SEMA5B: variants seen among roughly 807,000 people sequenced by gnomAD.
SEMA5B encodes the protein semaphorin 5B, also known as semaphorin-5B.
A neutral mutation model predicts 135.0 loss-of-function variants in SEMA5B; 66 were observed. The observed-to-expected ratio is 0.49, with a 90% CI of 0.40 to 0.60. SEMA5B has a LOEUF of 0.60. Among genes scored for constraint, SEMA5B ranks in the 20% least tolerant of loss-of-function variants. The pLI, the probability that SEMA5B is intolerant of heterozygous loss-of-function variation, is 0.00. For synonymous variants in SEMA5B, 690 were observed against 639.5 expected (o/e 1.08, Z -1.19); for missense variants, 1,501 against 1,566.3 (o/e 0.96, Z 0.70).
At chr3:122,916,252 A>G (rs1938072286) in intron 12 of SEMA5B, among the ~76,000 whole-genome samples, 1 of 152,158 alleles carries the variant, frequency 6.6e-6, no homozygotes, top group African/African-American at 2.4e-5. Flanking sequence ...ACCCACAGCC[A>G]CAGGTGCAGA....
Position 122,913,520 on chromosome 3 carries a change from G to A in SEMA5B, c.2280+14C>T, listed in dbSNP as rs1937884432. On this transcript the variant is annotated intron_variant, in intron 16 of 22. Coordinates refer to ENST00000357599, the MANE Select transcript of SEMA5B (RefSeq NM_001031702.4). ...CCCTACACCGCGCCCCTGGCCCACG[G>A]CCCCAACCCTCACCACGCCGCAGCC... The A allele has an allele frequency of 6.2e-7, 1 of 1,607,194 alleles. No homozygotes were observed. Among genetic ancestry groups the A allele is most frequent in the Admixed American group, 1.7e-5 (1 of 59,708 alleles).
Position 122,978,236 on chromosome 3 carries a change from G to A in SEMA5B, c.-38-16935C>T, listed in dbSNP as rs527328703. On this transcript the variant is annotated intron_variant, in intron 1 of 22. Coordinates refer to ENST00000357599, the MANE Select transcript of SEMA5B (RefSeq NM_001031702.4). ...CAGGGTGCCCTTCTCTGTCCCATGCGAGTCGGTGGGTGGACGTGCTCGGCC... is the reference window on the plus strand; with the variant it reads ...CAGGGTGCCCTTCTCTGTCCCATGCAAGTCGGTGGGTGGACGTGCTCGGCC... Among the ~76,000 whole-genome samples the A allele has an allele frequency of 5.9e-5, 9 of 152,370 alleles. No homozygotes were observed. The South Asian group carries it at 1.2e-3, about 21-fold the overall frequency.
intron 1 of SEMA5B, among the ~76,000 whole-genome samples, chr3:122,972,425 C>T (rs182223532): frequency 6.6e-6 from 1 of 152,326 alleles, no homozygotes; most frequent in African/African-American, 2.4e-5. Context: ...CAGATCTCTC[C>T]CCTCATCCAG....
At chr3:123,013,591 G>A (rs759974876) in intron 1 of SEMA5B, among the ~76,000 whole-genome samples, 1 of 152,214 alleles carries the variant, frequency 6.6e-6, no homozygotes, top group Non-Finnish European at 1.5e-5. Context: ...CAGGTGTTGA[G>A]ACCCAGTCTG....
chr3:122,929,203 C>T (rs1938819836), intron 5 of SEMA5B, 145 bp from the exon 6 acceptor site: 1 of 746,126 alleles, frequency 1.3e-6, no homozygotes, highest in East Asian at 2.7e-5. Flanking sequence ...GCTCCTCTCA[C>T]TACATCCACA....
At chr3:122,976,778 G>A (rs916623390) in intron 1 of SEMA5B, among the ~76,000 whole-genome samples, 10 of 152,100 alleles carry the variant, frequency 6.6e-5, no homozygotes, top group Non-Finnish European at 1.0e-4. Flanking sequence ...GGCCAGGCGC[G>A]GTGGCTCACA....
intron 2 of SEMA5B, among the ~76,000 whole-genome samples, chr3:122,957,858 T>C (rs9839593): frequency 0.27 from 41,813 of 152,182 alleles, 6,141 homozygotes; most frequent in South Asian, 0.38. Context: ...GGCCCCAGCC[T>C]TATCGTTGCA....
chr3:123,013,499 G>C (rs1553787615), intron 1 of SEMA5B, among the ~76,000 whole-genome samples: 1 of 152,126 alleles, frequency 6.6e-6, no homozygotes, highest in Non-Finnish European at 1.5e-5. Flanking sequence ...TAGGTATGAT[G>C]GCCATTTTAC....
rs982779433 is a variant in SEMA5B at position 122,921,931 on chromosome 3, C to G, written c.1672G>C (p.Ala558Pro). The change falls in exon 12 of 23, where the codon GCC becomes CCC. Residue 558 changes from alanine to proline, a missense_variant. Coordinates refer to ENST00000357599, the MANE Select transcript of SEMA5B (RefSeq NM_001031702.4). The part of the protein sequence containing the change: ...VLRVPLERCA[A>P]YRSQGACLGA... ...CCGGCTTACCCCTGGCTGCGGTAGG[C>G]GGCGCACCTCTCCAGTGGGACCCGC... 4 of 1,533,878 alleles carry G rather than the reference C, an allele frequency of 2.6e-6. No individual in the cohort carries two copies. In the South Asian group the frequency reaches 3.6e-5, roughly 14 times the overall value.
chr3:122,920,456 T>C (rs1938292097), intron 12 of SEMA5B, among the ~76,000 whole-genome samples: 1 of 152,128 alleles, frequency 6.6e-6, no homozygotes, highest in Non-Finnish European at 1.5e-5. Flanking sequence ...ACTGACTATA[T>C]TCAATGAGAC....
chr3:122,944,316 C>A (rs1278494824), intron 3 of SEMA5B, among the ~76,000 whole-genome samples: 1 of 152,224 alleles, frequency 6.6e-6, no homozygotes, highest in African/African-American at 2.4e-5. Context: ...CTTGATGGAA[C>A]AATTCCTGTT....
intron 14 of SEMA5B, 144 bp from the exon 15 acceptor site, chr3:122,914,145 A>G: frequency 3.4e-6 from 3 of 871,634 alleles, no homozygotes; most frequent in South Asian, 2.5e-5. Flanking sequence ...TAAACAGGTC[A>G]TCTCAGGCAG....
Position 122,911,966 on chromosome 3 carries a change from A to C in SEMA5B, c.3000T>G (p.Ala1000=), listed in dbSNP as rs1035644217. The C allele has an allele frequency of 3.1e-6, 5 of 1,611,762 alleles. No homozygotes were observed. The highest frequency in any genetic ancestry group is 4.2e-6 in the Non-Finnish European group (5 of 1,178,614). ...AGGGGCGGCTCTGGCTGCTGTTTCC[A>C]GCACAGGCGCTGGACCCTGGGAGGA... ...EELLPGSSAC[A]GNSSQSRPCP... The change falls in exon 20 of 23, where the codon GCT becomes GCG. Residue 1000 remains alanine (A), a synonymous_variant. Coordinates refer to ENST00000357599, the MANE Select transcript of SEMA5B (RefSeq NM_001031702.4).
At chr3:122,943,672 C>T (rs1939664791) in intron 3 of SEMA5B, 137 bp from the exon 4 acceptor site, 4 of 624,510 alleles carry the variant, frequency 6.4e-6, no homozygotes, top group Middle Eastern at 4.2e-4. Context: ...GTGCCACCTG[C>T]CCACCTCTGT....
chr3:122,970,770 G>A lies in SEMA5B; in HGVS notation c.-38-9469C>T, dbSNP rs1362182710. Among the ~76,000 whole-genome samples, 3 of 152,284 alleles carry A rather than the reference G, an allele frequency of 2.0e-5. No individual in the cohort carries two copies. The East Asian group carries it at 5.8e-4, about 29-fold the overall frequency. On this transcript the variant is annotated intron_variant, in intron 1 of 22. Coordinates refer to ENST00000357599, the MANE Select transcript of SEMA5B (RefSeq NM_001031702.4). ...AGATGTTCATGACTTGCCCAAGGTC[G>A]CACAGCTAGGAAGGACAATTCTGGG...
intron 1 of SEMA5B, among the ~76,000 whole-genome samples, chr3:122,961,579 C>T (rs911300413): frequency 6.6e-6 from 1 of 152,022 alleles, no homozygotes; most frequent in African/African-American, 2.4e-5. Context: ...CCTGCCTCAG[C>T]CCCCCAAGTA....
chr3:122,934,182 C>T (rs1228598186), intron 5 of SEMA5B, among the ~76,000 whole-genome samples: 1 of 151,672 alleles, frequency 6.6e-6, no homozygotes, highest in East Asian at 1.9e-4. Flanking sequence ...GCTGGGATTA[C>T]AGGCGTGAGC....
intron 1 of SEMA5B, among the ~76,000 whole-genome samples, chr3:122,966,557 A>ATTTTTTTTTTTTT (rs1414027791): frequency 3.5e-4 from 49 of 139,418 alleles, no homozygotes; most frequent in African/African-American, 1.3e-3. Flanking sequence ...TATTATTATT[A>ATTTTTTTTTTTTT]TTATTATTAT....
intron 2 of SEMA5B, among the ~76,000 whole-genome samples, chr3:122,954,963 G>T (rs1411756719): frequency 2.9e-5 from 4 of 138,152 alleles, no homozygotes; most frequent in Non-Finnish European, 4.7e-5. Flanking sequence ...GGGCAATTTT[G>T]TTTTTTGTTT....
Sources: gnomAD v4.1 joint callset for allele counts (sites outside exome capture counted in the v4.1 genomes callset) on GRCh38, gnomAD v4.1.1 for gene constraint, MANE v1.5 for transcripts, NCBI Gene and HGNC (gene_info 2026-07-23, HGNC 2026-07-21) for gene names.